The following PTGFR variants were observed in gnomAD, a reference collection of about 807,000 sequenced individuals.
PTGFR encodes the protein prostaglandin F receptor.
In PTGFR, 15 loss-of-function variants were observed where a neutral mutation model predicts 26.2. The ratio of observed to expected loss-of-function variants is 0.57; its 90% CI spans 0.38 to 0.88. PTGFR has a LOEUF of 0.88. Among genes scored for constraint, PTGFR ranks in the 40% least tolerant of loss-of-function variants. The pLI, the probability that PTGFR is intolerant of heterozygous loss-of-function variation, is 0.00. For missense variants in PTGFR, 369 were observed against 427.2 expected, an observed-to-expected ratio of 0.86 and a Z score of 1.20; for synonymous variants, 165 against 151.1, an observed-to-expected ratio of 1.09 and a Z score of -0.68.
At chr1:78,506,169 T>C (rs1383906279) in intron 2 of PTGFR, among the ~76,000 whole-genome samples, 1 of 152,176 alleles carries the variant, frequency 6.6e-6, no homozygotes, top group African/African-American at 2.4e-5. Context: ...AGTGTCCCAA[T>C]TATTCCACAG....
intron 2 of PTGFR, among the ~76,000 whole-genome samples, chr1:78,496,922 G>T: frequency 1.2e-5 from 1 of 84,540 alleles, no homozygotes. Flanking sequence ...TTAATATCTT[G>T]CTTTGTTGTG....
intron 2 of PTGFR, among the ~76,000 whole-genome samples, chr1:78,524,859 A>T (rs1445023317): frequency 6.7e-6 from 1 of 148,550 alleles, no homozygotes; most frequent in African/African-American, 2.5e-5. Flanking sequence ...TCAGAGGGAA[A>T]TGTGGAATAA....
intron 2 of PTGFR, among the ~76,000 whole-genome samples, chr1:78,509,278 T>C (rs1296924676): frequency 6.6e-6 from 1 of 152,202 alleles, no homozygotes; most frequent in Non-Finnish European, 1.5e-5. Context: ...ATGGTGGTCA[T>C]CAACGCCTGT....
At chr1:78,523,638 G>A (rs556897046) in intron 2 of PTGFR, among the ~76,000 whole-genome samples, 1 of 152,100 alleles carries the variant, frequency 6.6e-6, no homozygotes, top group African/African-American at 2.4e-5. Context: ...TAAAGTTTTT[G>A]GTAAGGATTA....
Position 78,493,450 on chromosome 1 carries a change from A to G in PTGFR, c.707A>G (p.Gln236Arg), listed in dbSNP as rs750447377. ...TTAAGAGTTAAATTTAAAAGTCAGC[A>G]GCACAGACAAGGCAGATCTCATCAT... is the stretch of plus-strand genomic sequence containing the variant. ...TLLRVKFKSQ[Q>R]HRQGRSHHLE... Residue 236 changes from glutamine to arginine, a missense_variant, in exon 2 of 3, where the codon CAG becomes CGG. Transcript: ENST00000370757. The G allele has an allele frequency of 1.3e-5, 21 of 1,612,258 alleles. No homozygotes were observed. In the Middle Eastern group the frequency reaches 1.5e-3, roughly 114 times the overall value.
At position 78,493,180 on chromosome 1, in the gene PTGFR, A is replaced by T; in HGVS notation, c.437A>T (p.Lys146Ile). ...ACAAAACCAATATTTCATTCTACGA[A>T]AATTACATCCAAACATGTGAAAATG... ...GVTKPIFHSTKITSKHVKMML... is the reference protein window; with the variant it reads ...GVTKPIFHSTIITSKHVKMML... Residue 146 changes from lysine to isoleucine, a missense_variant, in exon 2 of 3, where the codon AAA becomes ATA. By Grantham distance (102) the Lys-to-Ile change is moderately radical (BLOSUM62 -3). Transcript: ENST00000370757. 1 of 1,614,190 alleles carries T rather than the reference A, an allele frequency of 6.2e-7. No individual in the cohort carries two copies. The highest frequency in any genetic ancestry group is 1.1e-5 in the South Asian group (1 of 91,078).
At chr1:78,500,334 G>A (rs1053759181) in intron 2 of PTGFR, among the ~76,000 whole-genome samples, 3 of 152,198 alleles carry the variant, frequency 2.0e-5, no homozygotes, top group African/African-American at 7.2e-5. Flanking sequence ...AAATCCGACA[G>A]ACCTTTTTAG....
chr1:78,495,220 C>G (rs538832024), intron 2 of PTGFR, among the ~76,000 whole-genome samples: 4 of 152,258 alleles, frequency 2.6e-5, no homozygotes, highest in Admixed American at 2.0e-4. Flanking sequence ...ACTGAGGAGG[C>G]CTTGGGTGAA....
chr1:78,516,700 C>G (rs890532823), intron 2 of PTGFR, among the ~76,000 whole-genome samples: 3 of 152,000 alleles, frequency 2.0e-5, no homozygotes, highest in African/African-American at 7.2e-5. Flanking sequence ...AAATGGACAG[C>G]TATGTTAGTT....
At chr1:78,515,888 C>A (rs1014273090) in intron 2 of PTGFR, among the ~76,000 whole-genome samples, 1 of 152,112 alleles carries the variant, frequency 6.6e-6, no homozygotes, top group Admixed American at 6.6e-5. Flanking sequence ...CTTTAGGATC[C>A]TTTAGAATCC....
At chr1:78,528,691 C>T (rs538101088) in intron 2 of PTGFR, among the ~76,000 whole-genome samples, 1 of 152,016 alleles carries the variant, frequency 6.6e-6, no homozygotes, top group Non-Finnish European at 1.5e-5. Flanking sequence ...TTTAAAACTC[C>T]CATCAAATAA....
At chr1:78,499,334 A>G (rs1412427350) in intron 2 of PTGFR, among the ~76,000 whole-genome samples, 1 of 152,202 alleles carries the variant, frequency 6.6e-6, no homozygotes, top group East Asian at 1.9e-4. Context: ...AGGGTGTGAT[A>G]ACATAATACA....
intron 2 of PTGFR, among the ~76,000 whole-genome samples, chr1:78,499,672 T>C (rs1269691114): frequency 1.3e-5 from 2 of 152,172 alleles, no homozygotes; most frequent in Non-Finnish European, 2.9e-5. Flanking sequence ...AGAATGTAAG[T>C]TGGAAGTAAT....
chr1:78,518,567 G>GAC (rs57447321), intron 2 of PTGFR, among the ~76,000 whole-genome samples: 76 of 137,958 alleles, frequency 5.5e-4, no homozygotes, highest in African/African-American at 6.2e-4. Flanking sequence ...CAGTATAAAA[G>GAC]ACACACACAC....
intron 2 of PTGFR, among the ~76,000 whole-genome samples, chr1:78,521,604 C>A (rs1379345768): frequency 1.3e-5 from 2 of 152,100 alleles, no homozygotes; most frequent in East Asian, 3.9e-4. Flanking sequence ...AGGTTGAACT[C>A]ATTGGTTTCA....
At chr1:78,531,415 C>G (rs550719829) in intron 2 of PTGFR, among the ~76,000 whole-genome samples, 19 of 152,140 alleles carry the variant, frequency 1.2e-4, no homozygotes, top group African/African-American at 4.1e-4. Flanking sequence ...TTCACCTGCC[C>G]CAGTGATCTT....
Position 78,531,584 on chromosome 1 carries a change from G to A in PTGFR, c.799-4822G>A, listed in dbSNP as rs3766336. Among the ~76,000 whole-genome samples the A allele has an allele frequency of 4.6e-5, 7 of 152,170 alleles. No individual in the cohort carries two copies. The East Asian group carries it at 1.3e-3, about 29-fold the overall frequency. On this transcript the variant is annotated intron_variant, in intron 2 of 2. Transcript: ENST00000370757. ...GGCAGACCAGAAGTTAAAGGTCATAGAGAGTCTGAGGAATTCCTTGAAACA... is the reference window on the plus strand; with the variant it reads ...GGCAGACCAGAAGTTAAAGGTCATAAAGAGTCTGAGGAATTCCTTGAAACA...
intron 2 of PTGFR, among the ~76,000 whole-genome samples, chr1:78,529,936 A>C (rs937222281): frequency 6.6e-6 from 1 of 152,148 alleles, no homozygotes; most frequent in Non-Finnish European, 1.5e-5. Flanking sequence ...TGAGAATCTA[A>C]TGCGTGATGA....
Position 78,493,219 on chromosome 1 carries a change from T to C in PTGFR, c.476T>C (p.Val159Ala), listed in dbSNP as rs780419713. 81 of 1,614,108 alleles carry C rather than the reference T, an allele frequency of 5.0e-5. No individual in the cohort carries two copies. The highest frequency in any genetic ancestry group is 6.6e-5 in the South Asian group (6 of 91,086). The part of the protein sequence containing the change: ...SKHVKMMLSG[V>A]CLFAVFIALL... ...CATGTGAAAATGATGTTAAGTGGTG[T>C]GTGCTTGTTTGCTGTTTTCATAGCT... Residue 159 changes from valine to alanine, a missense_variant, in exon 2 of 3, where the codon GTG becomes GCG. By Grantham distance (64) the Val-to-Ala change is moderately conservative. Coordinates refer to ENST00000370757, the MANE Select transcript of PTGFR (RefSeq NM_000959.4).
Sources: allele counts gnomAD v4.1 joint callset (sites outside exome capture counted in the v4.1 genomes callset), GRCh38; gene constraint gnomAD v4.1.1; transcripts MANE v1.5; gene names NCBI Gene and HGNC (gene_info 2026-07-23, HGNC 2026-07-21).